The following MYO1B variants were observed in gnomAD, a reference collection of about 807,000 sequenced individuals.
MYO1B encodes unconventional myosin-Ib.
A neutral mutation model predicts 159.7 loss-of-function variants in MYO1B; 72 were observed. The observed-to-expected ratio is 0.45, with a 90% confidence interval of 0.37 to 0.55. The LOEUF (loss-of-function observed/expected upper bound fraction) is 0.55, where lower values mean the gene tolerates loss of function less well. Among genes scored for constraint, MYO1B ranks in the 20% least tolerant of loss-of-function variants. The pLI is 0.00. For missense variants in MYO1B, 1,062 were observed against 1,364.8 expected (o/e 0.78, Z 3.50); for synonymous variants, 468 against 473.8 (o/e 0.99, Z 0.16).
chr2:191,252,037 T>G (rs1300607007), intron 1 of MYO1B, among the ~76,000 whole-genome samples: 1 of 152,244 alleles, frequency 6.6e-6, no homozygotes, highest in Admixed American at 6.5e-5. Flanking sequence ...CCCTTAAAAG[T>G]ACTTCAGAGT....
chr2:191,408,927 A>C (rs2126159207), intron 25 of MYO1B, 117 bp from the exon 26 acceptor site: 1 of 1,153,250 alleles, frequency 8.7e-7, no homozygotes, highest in South Asian at 1.7e-5. Context: ...CAGTTCTATA[A>C]ATTCCAAAGT....
chr2:191,409,412 G>A (rs1697129131), intron 26 of MYO1B, among the ~76,000 whole-genome samples: 1 of 152,148 alleles, frequency 6.6e-6, no homozygotes, highest in South Asian at 2.1e-4. Flanking sequence ...GGGAGCACAG[G>A]GCTGCATTTT....
chr2:191,381,751 G>A (rs1695052132), intron 14 of MYO1B, among the ~76,000 whole-genome samples, 185 bp downstream of exon 14: 1 of 152,104 alleles, frequency 6.6e-6, no homozygotes, highest in Admixed American at 6.6e-5. Context: ...ATAGAGTCAG[G>A]GATTGCCAGG....
chr2:191,399,966 G>C (rs1696502636), intron 21 of MYO1B, among the ~76,000 whole-genome samples: 1 of 152,162 alleles, frequency 6.6e-6, no homozygotes, highest in South Asian at 2.1e-4. Context: ...TTTGGTTTTG[G>C]AGTTTTAAAA....
At chr2:191,266,632 C>G (rs1687156387) in intron 1 of MYO1B, among the ~76,000 whole-genome samples, 1 of 152,162 alleles carries the variant, frequency 6.6e-6, no homozygotes, top group Admixed American at 6.5e-5. Flanking sequence ...TCATCCTCGC[C>G]CTGGCTCTTC....
chr2:191,414,888 A>G (rs1039554537), intron 29 of MYO1B, among the ~76,000 whole-genome samples: 2 of 152,244 alleles, frequency 1.3e-5, no homozygotes, highest in South Asian at 2.1e-4. Context: ...AGACTAATAC[A>G]TAGAAATATC....
intron 17 of MYO1B, 45 bp from the exon 18 acceptor site, chr2:191,390,247 T>A: frequency 6.5e-7 from 1 of 1,546,116 alleles, no homozygotes. Flanking sequence ...GACAATTATA[T>A]CCATAGGAGG....
At chr2:191,247,576 A>G (rs1685864664) in intron 1 of MYO1B, among the ~76,000 whole-genome samples, 1 of 152,250 alleles carries the variant, frequency 6.6e-6, no homozygotes, top group Non-Finnish European at 1.5e-5. Flanking sequence ...GTTTGTCATT[A>G]GAACTAACAC....
intron 3 of MYO1B, among the ~76,000 whole-genome samples, chr2:191,317,745 C>G (rs910122150): frequency 1.2e-4 from 18 of 152,088 alleles, no homozygotes; most frequent in Admixed American, 2.6e-4. Context: ...CCAAATAACC[C>G]AAATGAAAAA....
rs116495079 is a variant in MYO1B, at chr2:191,321,410, G to A, written c.252-8525G>A. 7.8e-3 allele frequency among the ~76,000 whole-genome samples: 1,185 copies of A among 152,230 alleles called. 16 individuals are homozygous for A. The highest frequency in any genetic ancestry group is 0.027 in the African/African-American group (1,129 of 41,542). On this transcript the variant is annotated intron_variant, in intron 3 of 30. Coordinates refer to ENST00000392318, the MANE Select transcript of MYO1B (RefSeq NM_001130158.3). Reference sequence around the variant, plus strand: ...AAAAAGTTTGGAAACATTTGTGTTGGGAATTTGTTTAAAGTGAGCCAGAAA... The same window carrying A: ...AAAAAGTTTGGAAACATTTGTGTTGAGAATTTGTTTAAAGTGAGCCAGAAA...
intron 2 of MYO1B, among the ~76,000 whole-genome samples, chr2:191,278,577 C>T (rs1447249354): frequency 6.6e-6 from 1 of 152,228 alleles, no homozygotes; most frequent in African/African-American, 2.4e-5. Flanking sequence ...GTGAATACTG[C>T]TTTTGGAGTC....
chr2:191,285,512 G>T (rs1288411016), intron 2 of MYO1B, among the ~76,000 whole-genome samples: 2 of 152,156 alleles, frequency 1.3e-5, no homozygotes, highest in African/African-American at 4.8e-5. Flanking sequence ...AGTGATTTAA[G>T]GCACAACTTA....
intron 1 of MYO1B, among the ~76,000 whole-genome samples, chr2:191,250,688 G>A (rs1412653646): frequency 1.3e-5 from 2 of 152,162 alleles, no homozygotes; most frequent in African/African-American, 2.4e-5. Flanking sequence ...ACTTTCTGTA[G>A]GTTGATTTCC....
chr2:191,246,084 G>A (rs1012613285), intron 1 of MYO1B: 1 of 152,322 alleles, frequency 6.6e-6, no homozygotes, highest in Non-Finnish European at 1.5e-5. Context: ...GGGTTCAGGT[G>A]CGGTGTGCCC....
intron 21 of MYO1B, among the ~76,000 whole-genome samples, chr2:191,399,704 A>C (rs771733211): frequency 7.9e-5 from 12 of 152,164 alleles, no homozygotes; most frequent in Non-Finnish European, 1.3e-4. Context: ...GGCCCTCGAC[A>C]ACTTAAGGGC....
intron 3 of MYO1B, among the ~76,000 whole-genome samples, chr2:191,319,146 A>G (rs1690541817): frequency 6.6e-6 from 1 of 152,192 alleles, no homozygotes; most frequent in South Asian, 2.1e-4. Flanking sequence ...TCATTTTGTT[A>G]TGCAGACACT....
intron 1 of MYO1B, among the ~76,000 whole-genome samples, chr2:191,272,645 T>G (rs981057300): frequency 2.6e-5 from 4 of 152,216 alleles, no homozygotes; most frequent in Non-Finnish European, 5.9e-5. Context: ...TTTCAGACAG[T>G]CCAGTTTCAC....
intron 12 of MYO1B, 93 bp downstream of exon 12, chr2:191,369,721 A>T: frequency 1.2e-5 from 11 of 886,566 alleles, no homozygotes; most frequent in Non-Finnish European, 2.0e-5. Context: ...TAATCAAATA[A>T]TTGATTGCCA....
chr2:191,391,642 C>T (rs1292653242), intron 18 of MYO1B, among the ~76,000 whole-genome samples: 1 of 152,146 alleles, frequency 6.6e-6, no homozygotes, highest in African/African-American at 2.4e-5. Context: ...GTTCTTGCTC[C>T]CGCTGGGTAA....
Sources: allele counts gnomAD v4.1 joint callset (sites outside exome capture counted in the v4.1 genomes callset), GRCh38; gene constraint gnomAD v4.1.1; transcripts MANE v1.5; gene names NCBI Gene and HGNC (gene_info 2026-07-23, HGNC 2026-07-21).